Variants in DAAM1 observed in about 807,000 individuals in gnomAD.
DAAM1 encodes the protein disheveled-associated activator of morphogenesis 1.
Under a neutral mutation model 130.0 loss-of-function variants are expected in DAAM1, and 52 were observed. The observed-to-expected ratio is 0.40, with a 90% confidence interval of 0.32 to 0.50. The LOEUF is 0.50. DAAM1 is among the 20% of genes least tolerant of loss of function. DAAM1 has a pLI of 0.61. For missense variants in DAAM1, 1,134 were observed against 1,303.8 expected, an observed-to-expected ratio of 0.87 and a Z score of 2.01; for synonymous variants, 452 against 444.5, an observed-to-expected ratio of 1.02 and a Z score of -0.21.
intron 1 of DAAM1, among the ~76,000 whole-genome samples, chr14:59,232,597 ATTTCTTTTTTTTTC>A (rs969629345): frequency 2.7e-5 from 4 of 148,990 alleles, no homozygotes; most frequent in African/African-American, 7.4e-5. Context: ...AATATATTGC[ATTTCTTTTTTTTTC>A]TTTCTTTTTT....
chr14:59,327,065 A>G, intron 12 of DAAM1, 74 bp downstream of exon 12: 3 of 1,525,006 alleles, frequency 2.0e-6, no homozygotes, highest in Non-Finnish European at 1.8e-6. Context: ...TATTTTGGAA[A>G]TTTACATTGA....
At chr14:59,264,682 A>C (rs1882350536) in intron 2 of DAAM1, 1 of 151,558 alleles carries the variant, frequency 6.6e-6, no homozygotes, top group Admixed American at 6.6e-5. Context: ...TCTGGGGTAC[A>C]TATGCAGGAT....
At chr14:59,231,214 T>C (rs1267947184) in intron 1 of DAAM1, among the ~76,000 whole-genome samples, 1 of 152,234 alleles carries the variant, frequency 6.6e-6, no homozygotes, top group Non-Finnish European at 1.5e-5. Flanking sequence ...TTGCATATAT[T>C]TATGGGGTTC....
chr14:59,200,625 A>T (rs1406332992), intron 1 of DAAM1, among the ~76,000 whole-genome samples: 1 of 152,224 alleles, frequency 6.6e-6, no homozygotes, highest in Non-Finnish European at 1.5e-5. Context: ...TTTCTTGAGC[A>T]ACTAATGCAA....
chr14:59,321,474 A>G (rs573276978), intron 5 of DAAM1, among the ~76,000 whole-genome samples: 2 of 152,352 alleles, frequency 1.3e-5, no homozygotes, highest in East Asian at 3.9e-4. Flanking sequence ...ACTTTTCTTT[A>G]AAGATGGGTA....
At chr14:59,250,242 T>G (rs1315768894) in intron 1 of DAAM1, among the ~76,000 whole-genome samples, 1 of 152,198 alleles carries the variant, frequency 6.6e-6, no homozygotes, top group Non-Finnish European at 1.5e-5. Flanking sequence ...AAACAAATCA[T>G]TGTTTAAAAG....
rs142026100 is a variant in DAAM1 at position 59,289,906 on chromosome 14, T to A, written c.184-1311T>A. Among the ~76,000 whole-genome samples the A allele has an allele frequency of 1.1e-3, 167 of 152,096 alleles. 2 individuals carry two copies. Among genetic ancestry groups the A allele is most frequent in the African/African-American group, 3.8e-3 (159 of 41,434 alleles). ...ACAGAAAACGAAATATCGCATGTTC[T>A]CACTTATAAGTAAGAGCTAAACTTT... On this transcript the variant is annotated intron_variant, in intron 2 of 24. Coordinates refer to ENST00000360909, the MANE Select transcript of DAAM1 (RefSeq NM_001270520.2).
Position 59,364,552 on chromosome 14 carries a change from CT to C in DAAM1, c.2826+773del, listed in dbSNP as rs1886837492. 2.5e-5 allele frequency among the ~76,000 whole-genome samples: 3 copies of C among 120,328 alleles called. No individual in the cohort carries two copies. In the South Asian group the frequency reaches 8.5e-4, roughly 34 times the overall value. The allele number at this position is 120,328 out of a possible 152,430, so 78.9% of individuals were successfully genotyped here. On this transcript the variant is annotated intron_variant, in intron 23 of 24. Transcript: ENST00000360909. Reference sequence around the variant, plus strand: ...TCTCATTTTCTATCCTCTTCTCATTCTTTATAAATGATATTAACACTCTTCC... The same window carrying C: ...TCTCATTTTCTATCCTCTTCTCATTCTTATAAATGATATTAACACTCTTCC...
At chr14:59,207,812 G>T (rs1888309107) in intron 1 of DAAM1, among the ~76,000 whole-genome samples, 1 of 152,176 alleles carries the variant, frequency 6.6e-6, no homozygotes. Context: ...ACTCCATTGA[G>T]AGGATACCCA....
At chr14:59,326,226 T>G in intron 10 of DAAM1, 149 bp downstream of exon 10, 2 of 761,426 alleles carry the variant, frequency 2.6e-6, no homozygotes, top group Non-Finnish European at 4.2e-6. Context: ...TGTGTCTACA[T>G]GGCTTAAAGG....
At chr14:59,326,892 T>C in intron 11 of DAAM1, 41 bp from the exon 12 acceptor site, 3 of 1,611,642 alleles carry the variant, frequency 1.9e-6, no homozygotes, top group Non-Finnish European at 2.5e-6. Context: ...AGTGGACCTT[T>C]TATATTTTTT....
intron 15 of DAAM1, among the ~76,000 whole-genome samples, chr14:59,335,309 G>A (rs1445783975): frequency 6.6e-6 from 1 of 152,094 alleles, no homozygotes; most frequent in Non-Finnish European, 1.5e-5. Flanking sequence ...GGATCTAATA[G>A]CAGGCAGTTA....
At chr14:59,274,731 A>G (rs994803468) in intron 2 of DAAM1, among the ~76,000 whole-genome samples, 5 of 152,196 alleles carry the variant, frequency 3.3e-5, no homozygotes, top group Admixed American at 6.5e-5. Flanking sequence ...GTATTTTAAT[A>G]TTCTCATAGT....
At chr14:59,286,996 A>G (rs1173167276) in intron 2 of DAAM1, among the ~76,000 whole-genome samples, 1 of 152,182 alleles carries the variant, frequency 6.6e-6, no homozygotes, top group African/African-American at 2.4e-5. Context: ...AGAAAAATTC[A>G]GGCTAATATC....
chr14:59,221,378 C>A (rs1439881178), intron 1 of DAAM1, among the ~76,000 whole-genome samples: 1 of 152,202 alleles, frequency 6.6e-6, no homozygotes, highest in African/African-American at 2.4e-5. Context: ...AGGAAATACT[C>A]ATGGTAATTA....
At chr14:59,327,388 A>T (rs191528435) in intron 12 of DAAM1, among the ~76,000 whole-genome samples, 4 of 122,782 alleles carry the variant, frequency 3.3e-5, no homozygotes, top group Non-Finnish European at 5.1e-5. Flanking sequence ...AGAGAAGAAC[A>T]GGTCACTTGG....
rs980182732 is a variant in DAAM1, at chr14:59,369,020, A to T, written c.*161A>T. On this transcript the variant is annotated 3_prime_UTR_variant, in exon 25 of 25. Transcript: ENST00000360909. ...ATGTAAATGTATGTGTGTATATATT[A>T]AAAAATGTATATAGATGTCTGAGTG... The T allele has an allele frequency of 3.2e-6, 2 of 623,038 alleles. No individual in the cohort carries two copies. The highest frequency in any genetic ancestry group is 3.7e-5 in the African/African-American group (2 of 54,088). 38.6% of individuals were successfully genotyped at this position (623,038 alleles called of 1,614,324 possible).
At chr14:59,272,140 A>G (rs944824182) in intron 2 of DAAM1, among the ~76,000 whole-genome samples, 9 of 152,238 alleles carry the variant, frequency 5.9e-5, no homozygotes, top group Non-Finnish European at 1.3e-4. Context: ...TCAGAATCTA[A>G]TGAGGGAATT....
At chr14:59,255,427 G>A (rs1566670022) in intron 1 of DAAM1, among the ~76,000 whole-genome samples, 1 of 152,134 alleles carries the variant, frequency 6.6e-6, no homozygotes, top group Non-Finnish European at 1.5e-5. Context: ...GGCATCTGGT[G>A]TATTTGGGAA....
Sources: allele counts gnomAD v4.1 joint callset (sites outside exome capture counted in the v4.1 genomes callset), GRCh38; gene constraint gnomAD v4.1.1; transcripts MANE v1.5; gene names NCBI Gene and HGNC (gene_info 2026-07-23, HGNC 2026-07-21).